The following CMIP variants were observed in gnomAD, a reference collection of about 807,000 sequenced individuals.
The protein encoded by CMIP is C-Maf-inducing protein.
In CMIP, 13 loss-of-function variants were observed where a neutral mutation model predicts 97.3. The ratio of observed to expected loss-of-function variants is 0.13; its 90% CI spans 0.09 to 0.21. CMIP has a LOEUF of 0.21. Among genes scored for constraint, CMIP ranks in the 10% least tolerant of loss-of-function variants. CMIP has a pLI of 1.00. For synonymous variants in CMIP, 538 were observed against 436.3 expected (o/e 1.23, Z -2.91); for missense variants, 847 against 1,024.9 (o/e 0.83, Z 2.37).
intron 1 of CMIP, among the ~76,000 whole-genome samples, chr16:81,557,340 G>GTTC (rs1555530140): frequency 1.4e-5 from 2 of 147,756 alleles, no homozygotes; most frequent in South Asian, 2.1e-4. Flanking sequence ...GATGTTGGTT[G>GTTC]AATTTACTGA....
At chr16:81,584,703 C>A (rs978437447) in intron 1 of CMIP, among the ~76,000 whole-genome samples, 1 of 152,176 alleles carries the variant, frequency 6.6e-6, no homozygotes, top group Non-Finnish European at 1.5e-5. Flanking sequence ...GTCCATCATC[C>A]GAATTATCAA....
At chr16:81,677,347 C>T (rs982233088) in intron 9 of CMIP, among the ~76,000 whole-genome samples, 14 of 152,094 alleles carry the variant, frequency 9.2e-5, no homozygotes, top group South Asian at 2.1e-4. Flanking sequence ...CTTCTGAGAC[C>T]GTCTTTCCTC....
intron 4 of CMIP, among the ~76,000 whole-genome samples, chr16:81,653,178 A>T (rs889325192): frequency 2.0e-5 from 3 of 151,874 alleles, no homozygotes; most frequent in African/African-American, 4.8e-5. Context: ...GGAGTTGATG[A>T]CTCCTGATTT....
At chr16:81,589,002 C>T (rs918292997) in intron 1 of CMIP, among the ~76,000 whole-genome samples, 18 of 152,050 alleles carry the variant, frequency 1.2e-4, no homozygotes, top group African/African-American at 4.3e-4. Flanking sequence ...GTGTTCTTTA[C>T]CATTACAACT....
intron 1 of CMIP, among the ~76,000 whole-genome samples, chr16:81,557,953 C>G (rs1273628501): frequency 2.0e-5 from 3 of 152,162 alleles, no homozygotes; most frequent in Admixed American, 2.0e-4. Flanking sequence ...ACTCCCCATT[C>G]CCCTCCCCGA....
Position 81,565,445 on chromosome 16 carries a change from C to T in CMIP, c.301-42122C>T, listed in dbSNP as rs74029184. On this transcript the variant is annotated intron_variant, in intron 1 of 20. Coordinates refer to ENST00000537098, the MANE Select transcript of CMIP (RefSeq NM_198390.3). ...CTGCACTCCATCCTCCTGCTCCCCTCCTGGTAACACAGGGCCGCCAGCTTC... is the reference window on the plus strand; with the variant it reads ...CTGCACTCCATCCTCCTGCTCCCCTTCTGGTAACACAGGGCCGCCAGCTTC... 6.8e-3 allele frequency among the ~76,000 whole-genome samples: 1,036 copies of T among 152,320 alleles called. 10 individuals carry two copies. The highest frequency in any genetic ancestry group is 0.024 in the African/African-American group (993 of 41,568).
rs374999407 is a variant in CMIP, at chr16:81,696,590, G to A, written c.1561G>A (p.Gly521Ser). The A allele has an allele frequency of 1.1e-5, 18 of 1,606,182 alleles. No homozygotes were observed. Among genetic ancestry groups the A allele is most frequent in the African/African-American group, 4.0e-5 (3 of 74,928 alleles). ...VHSCLLSVRA[G>S]KDGWFQLYSP... Reference sequence around the variant, plus strand: ...CTCATGCCTGCTGAGCGTGCGGGCCGGCAAAGATGGCTGGTTCCAGCTCTA... The same window carrying A: ...CTCATGCCTGCTGAGCGTGCGGGCCAGCAAAGATGGCTGGTTCCAGCTCTA... The change falls in exon 14 of 21, where the codon GGC becomes AGC. Residue 521 changes from glycine (G) to serine (S), a missense_variant. Gly to Ser is a moderately conservative substitution (Grantham distance 56). Transcript: ENST00000537098.
At chr16:81,684,443 G>T (rs1474560514) in intron 10 of CMIP, among the ~76,000 whole-genome samples, 3 of 152,234 alleles carry the variant, frequency 2.0e-5, no homozygotes, top group Non-Finnish European at 2.9e-5. Flanking sequence ...GAGATTCTGT[G>T]AGTCAGGGAA....
chr16:81,554,730 T>A (rs1489248854), intron 1 of CMIP, among the ~76,000 whole-genome samples: 1 of 152,186 alleles, frequency 6.6e-6, no homozygotes, highest in African/African-American at 2.4e-5. Flanking sequence ...ACTTTATTCT[T>A]CTCTGGGCCT....
chr16:81,601,647 G>A, intron 1 of CMIP, among the ~76,000 whole-genome samples: 1 of 152,100 alleles, frequency 6.6e-6, no homozygotes, highest in Non-Finnish European at 1.5e-5. Flanking sequence ...GCAAATGCAG[G>A]ATCCCCCAAA....
chr16:81,652,946 A>C lies in CMIP; in HGVS notation c.639+582A>C, dbSNP rs992061991. Among the ~76,000 whole-genome samples the C allele has an allele frequency of 6.6e-6, 1 of 152,058 alleles. No homozygotes were observed. The highest frequency in any genetic ancestry group is 1.5e-5 in the Non-Finnish European group (1 of 68,004). ...TGTGCCAGGCACCATCTGGGAATTC[A>C]AGCAAAGACAAGCCCCCTACCCCCC... On this transcript the variant is annotated intron_variant, in intron 4 of 20. Transcript: ENST00000537098. This position sits in a 1 kb window ranked among gnomAD's most constrained non-coding sequence, Gnocchi z 5.2.
intron 1 of CMIP, among the ~76,000 whole-genome samples, chr16:81,462,465 A>G (rs11861455): frequency 0.033 from 5,067 of 152,264 alleles, 258 homozygotes; most frequent in African/African-American, 0.12. Context: ...CTTCCCCAGC[A>G]GGAAATGGAG....
At chr16:81,576,630 A>ATGAC (rs1352954268) in intron 1 of CMIP, among the ~76,000 whole-genome samples, 2 of 152,108 alleles carry the variant, frequency 1.3e-5, no homozygotes, top group African/African-American at 4.8e-5. Flanking sequence ...CTTGAATGTC[A>ATGAC]GCACCCCGTT....
At chr16:81,642,602 C>T (rs180798994) in intron 3 of CMIP, among the ~76,000 whole-genome samples, 15 of 152,316 alleles carry the variant, frequency 9.8e-5, no homozygotes, top group South Asian at 2.1e-4. Flanking sequence ...TGATAGCCTA[C>T]GGTGGAGACA....
At chr16:81,706,396 A>T (rs1403211737) in intron 19 of CMIP, among the ~76,000 whole-genome samples, 1 of 152,098 alleles carries the variant, frequency 6.6e-6, no homozygotes, top group Non-Finnish European at 1.5e-5. Flanking sequence ...GCTTGGGAGG[A>T]GGTGGGAGCA....
intron 1 of CMIP, chr16:81,495,639 C>T: frequency 1.3e-6 from 1 of 771,470 alleles, no homozygotes; most frequent in Admixed American, 2.9e-5. Flanking sequence ...TGAGAGACCC[C>T]AGGCCCCTTC....
intron 1 of CMIP, among the ~76,000 whole-genome samples, chr16:81,463,052 G>A (rs528426209): frequency 1.3e-5 from 2 of 151,526 alleles, no homozygotes; most frequent in Non-Finnish European, 1.5e-5. Flanking sequence ...TATCATGGAG[G>A]CTACCTGGCA....
Position 81,532,296 on chromosome 16 carries a change from A to C in CMIP, c.301-75271A>C, listed in dbSNP as rs1472057424. Among the ~76,000 whole-genome samples, 4 of 152,224 alleles carry C rather than the reference A, an allele frequency of 2.6e-5. No individual in the cohort carries two copies. The East Asian group carries it at 7.7e-4, about 29-fold the overall frequency. ...CACATTCGGACGTGTGTTAGGTAGA[A>C]GTGTGTGTGCACCTGCGTGTGCGTG... On this transcript the variant is annotated intron_variant, in intron 1 of 20. Coordinates refer to ENST00000537098, the MANE Select transcript of CMIP (RefSeq NM_198390.3).
intron 1 of CMIP, among the ~76,000 whole-genome samples, chr16:81,483,911 A>G (rs939614147): frequency 1.3e-5 from 2 of 152,148 alleles, no homozygotes; most frequent in Admixed American, 1.3e-4. Context: ...AATTGTCTGC[A>G]TTTTATGTTT....
Sources: gnomAD v4.1 joint callset for allele counts (sites outside exome capture counted in the v4.1 genomes callset) on GRCh38, gnomAD v4.1.1 for gene constraint, Gnocchi (gnomAD v3.1) non-coding constraint, MANE v1.5 for transcripts, NCBI Gene and HGNC (gene_info 2026-07-23, HGNC 2026-07-21) for gene names.